Variants in EQTN observed in about 807,000 individuals in gnomAD.
EQTN encodes the protein equatorin.
In EQTN, 29 loss-of-function variants were observed where a neutral mutation model predicts 26.9. The observed-to-expected ratio is 1.08, with a 90% CI of 0.80 to 1.47. The LOEUF (loss-of-function observed/expected upper bound fraction) is 1.47, where lower values mean the gene tolerates loss of function less well. Ranked by LOEUF, EQTN falls within the 40% of genes most tolerant of loss-of-function variation. EQTN has a pLI of 0.00. For synonymous variants in EQTN, 129 were observed against 120.0 expected (o/e 1.07, Z -0.49); for missense variants, 391 against 346.1 (o/e 1.13, Z -1.03).
At position 27,294,388 on chromosome 9, in the gene EQTN, G is replaced by C. The variant is rs746137958; in HGVS notation, c.217C>G (p.Gln73Glu). The change falls in exon 3 of 8, where the codon CAA becomes GAA. Residue 73 changes from glutamine (Q) to glutamate (E), a missense_variant. Transcript: ENST00000380032. Reference protein sequence around the residue: ...KDIKQYVFTTQNPNGTESEIS... With the variant: ...KDIKQYVFTTENPNGTESEIS... ...TCAGACTCAGTGCCATTTGGATTTT[G>C]TGTTGTGAACACATCTAAAAACAAA... 1 of 1,607,710 alleles carries C rather than the reference G, an allele frequency of 6.2e-7. No homozygotes were observed. The highest frequency in any genetic ancestry group is 1.3e-5 in the African/African-American group (1 of 74,934).
intron 2 of EQTN, among the ~76,000 whole-genome samples, chr9:27,295,859 G>GAAAAAAAAAA (rs1563833686): frequency 3.9e-5 from 5 of 128,402 alleles, no homozygotes; most frequent in South Asian, 2.5e-4. Flanking sequence ...AAAAAACAAC[G>GAAAAAAAAAA]ATAAAATTAC....
chr9:27,296,513 C>T, intron 2 of EQTN, 100 bp downstream of exon 2: 1 of 858,194 alleles, frequency 1.2e-6, no homozygotes, highest in Non-Finnish European at 1.7e-6. Context: ...AAATACCCAA[C>T]AAATACAGGG....
chr9:27,293,857 T>G (rs1242039065), intron 3 of EQTN, among the ~76,000 whole-genome samples: 1 of 152,216 alleles, frequency 6.6e-6, no homozygotes, highest in Non-Finnish European at 1.5e-5. Context: ...TAATTAGGCA[T>G]TCCTGAGTCT....
chr9:27,288,858 G>A (rs892240550), intron 6 of EQTN, among the ~76,000 whole-genome samples: 1 of 152,186 alleles, frequency 6.6e-6, no homozygotes, highest in African/African-American at 2.4e-5. Context: ...CAGGAGGAGA[G>A]AGGAACAAAG....
rs370894979 is a variant in EQTN, at chr9:27,294,417, G to A, written c.203-15C>T. Reference sequence around the variant, plus strand: ...TGTGAACACATCTAAAAACAAAAGCGAAAGTCTTCAGCAACTAGCTAAGTC... The same window carrying A: ...TGTGAACACATCTAAAAACAAAAGCAAAAGTCTTCAGCAACTAGCTAAGTC... On this transcript the variant is annotated splice_polypyrimidine_tract_variant and intron_variant, in intron 2 of 7. Transcript: ENST00000380032. 35 of 1,538,726 alleles carry A rather than the reference G, an allele frequency of 2.3e-5. No individual in the cohort carries two copies. The highest frequency in any genetic ancestry group is 9.5e-5 in the African/African-American group (7 of 73,726).
intron 6 of EQTN, among the ~76,000 whole-genome samples, chr9:27,288,642 T>C (rs184170457): frequency 3.7e-4 from 56 of 152,274 alleles, no homozygotes; most frequent in African/African-American, 1.3e-3. Context: ...AAGAATGAAC[T>C]AGGGTGCATT....
At chr9:27,285,347 T>C (rs1820098945) in intron 7 of EQTN, among the ~76,000 whole-genome samples, 1 of 152,078 alleles carries the variant, frequency 6.6e-6, no homozygotes, top group South Asian at 2.1e-4. Flanking sequence ...TTTCACCATG[T>C]TGGCCATGAT....
At position 27,284,982 on chromosome 9, in the gene EQTN, A is replaced by T. The variant is rs557170208; in HGVS notation, c.636-10T>A. On this transcript the variant is annotated splice_polypyrimidine_tract_variant and intron_variant, in intron 7 of 7. Coordinates refer to ENST00000380032, the MANE Select transcript of EQTN (RefSeq NM_020641.3). ...CTCACAACTTTTATAACTGAAGAAG[A>T]AAAGAACATATATCAAGAATTGTTT... 4 of 1,605,186 alleles carry T rather than the reference A, an allele frequency of 2.5e-6. No homozygotes were observed. The South Asian group carries it at 4.5e-5, about 18-fold the overall frequency.
intron 7 of EQTN, 124 bp downstream of exon 7, chr9:27,286,085 T>A (rs1820112849): frequency 8.3e-6 from 8 of 965,350 alleles, no homozygotes; most frequent in Non-Finnish European, 9.2e-6. Flanking sequence ...GTAAATGGAA[T>A]CAATTTGAAT....
intron 7 of EQTN, among the ~76,000 whole-genome samples, chr9:27,285,204 C>T (rs1168078068): frequency 1.5e-4 from 18 of 118,520 alleles, no homozygotes; most frequent in South Asian, 1.1e-3. Context: ...AGTGCAGTGG[C>T]GCAATCTCGG....
At chr9:27,295,786 T>G (rs1820324856) in intron 2 of EQTN, among the ~76,000 whole-genome samples, 1 of 129,994 alleles carries the variant, frequency 7.7e-6, no homozygotes, top group Admixed American at 9.2e-5. Flanking sequence ...GAGCAGAGAT[T>G]GCGCCACTGC....
At position 27,292,506 on chromosome 9, in the gene EQTN, A is replaced by G; in HGVS notation, c.290-19T>C. 6.8e-7 allele frequency: 1 copy of G among 1,469,090 alleles called. No homozygotes were observed. Among genetic ancestry groups the G allele is most frequent in the Non-Finnish European group, 9.4e-7 (1 of 1,059,382 alleles). 91.0% of individuals were successfully genotyped at this position (1,469,090 alleles called of 1,614,324 possible). A position where few individuals can be genotyped will look rare whatever the true frequency, so the allele number is the denominator to read the frequency against. On this transcript the variant is annotated intron_variant, in intron 3 of 7. Transcript: ENST00000380032. The stretch of plus-strand genomic sequence containing the variant: ...GTTTTATCTAGGAAAAGGGAAAAAG[A>G]ATTATCAGCATGTAAAAATACTGAC...
In EQTN at chr9:27,296,744, A is replaced by G; in HGVS notation, c.77-6T>C. ...AGGTAGCACATTAGGCAATGCTAAAAAAAAGTATCACACACCATAGATCAG... is the reference window on the plus strand; with the variant it reads ...AGGTAGCACATTAGGCAATGCTAAAGAAAAGTATCACACACCATAGATCAG... On this transcript the variant is annotated splice_region_variant and splice_polypyrimidine_tract_variant and intron_variant, in intron 1 of 7. Transcript: ENST00000380032. The G allele has an allele frequency of 6.2e-7, 1 of 1,601,508 alleles. No homozygotes were observed.
chr9:27,287,812 T>C (rs1820152556), intron 6 of EQTN, among the ~76,000 whole-genome samples: 1 of 152,206 alleles, frequency 6.6e-6, no homozygotes, highest in Non-Finnish European at 1.5e-5. Flanking sequence ...CTTTTCTTTT[T>C]TTGAGATGGA....
At chr9:27,287,118 T>G (rs150585803) in intron 6 of EQTN, among the ~76,000 whole-genome samples, 56 of 152,308 alleles carry the variant, frequency 3.7e-4, no homozygotes, top group Non-Finnish European at 7.2e-4. Flanking sequence ...GATGGCAACA[T>G]GTTATTTCTC....
chr9:27,285,085 T>G lies in EQTN; in HGVS notation c.636-113A>C, dbSNP rs564858817. 4.0e-6 allele frequency: 3 copies of G among 753,330 alleles called. No individual in the cohort carries two copies. The African/African-American group carries it at 5.3e-5, about 13-fold the overall frequency. 46.7% of individuals were successfully genotyped at this position (753,330 alleles called of 1,614,324 possible). A position where few individuals can be genotyped will look rare whatever the true frequency, so the allele number is the denominator to read the frequency against. On this transcript the variant is annotated intron_variant, in intron 7 of 7. Transcript: ENST00000380032. ...ATACGAATTTTGCCCAAAGTGTTAG[T>G]TACTTAGTAACATTATGTGAATGAT...
chr9:27,293,353 T>G (rs1193652260), intron 3 of EQTN, among the ~76,000 whole-genome samples: 1 of 152,154 alleles, frequency 6.6e-6, no homozygotes, highest in Non-Finnish European at 1.5e-5. Flanking sequence ...ATTGCCTCAG[T>G]TTTTCCCCCT....
rs142257398 is a variant in EQTN, at chr9:27,296,694, C to G, written c.121G>C (p.Glu41Gln). 6.2e-7 allele frequency: 1 copy of G among 1,608,948 alleles called. No individual in the cohort carries two copies. The highest frequency in any genetic ancestry group is 1.7e-5 in the Admixed American group (1 of 59,066). The change falls in exon 2 of 8, where the codon GAA becomes CAA. Residue 41 changes from glutamate (E) to glutamine (Q), a missense_variant. Glu to Gln is a conservative substitution (Grantham distance 29, BLOSUM62 2). Coordinates refer to ENST00000380032, the MANE Select transcript of EQTN (RefSeq NM_020641.3). ...LPLNEDVNKQEEKNEDHTPNY... is the reference protein window; with the variant it reads ...LPLNEDVNKQQEKNEDHTPNY... ...GGAGTATGATCTTCATTCTTTTCTT[C>G]CTGCTTATTAACATCTTCATTTAAA...
intron 3 of EQTN, among the ~76,000 whole-genome samples, chr9:27,293,565 T>C (rs773912549): frequency 1.4e-4 from 22 of 152,282 alleles, no homozygotes; most frequent in Middle Eastern, 3.4e-3. Flanking sequence ...GGGGCCTGAA[T>C]TGTGGAAATA....
Sources: gnomAD v4.1 joint callset for allele counts (sites outside exome capture counted in the v4.1 genomes callset) on GRCh38, gnomAD v4.1.1 for gene constraint, MANE v1.5 for transcripts, NCBI Gene and HGNC (gene_info 2026-07-23, HGNC 2026-07-21) for gene names.